SH3KBP1: variants seen among roughly 807,000 people sequenced by gnomAD.
SH3KBP1 encodes the protein SH3 domain containing kinase binding protein 1.
In SH3KBP1, 8 loss-of-function variants were observed where a neutral mutation model predicts 50.1. That is an observed-to-expected ratio of 0.16 (90% CI 0.09 to 0.29). The LOEUF (loss-of-function observed/expected upper bound fraction) is 0.29. SH3KBP1 is among the 10% of genes least tolerant of loss of function. SH3KBP1 has a pLI of 1.00. For missense variants in SH3KBP1, 377 were observed against 535.2 expected (o/e 0.70, Z 2.92); for synonymous variants, 227 against 218.6 (o/e 1.04, Z -0.34).
intron 2 of SH3KBP1, among the ~76,000 whole-genome samples, chrX:19,779,352 T>A (rs1306722663): frequency 9.2e-6 from 1 of 108,464 alleles, no homozygotes. Flanking sequence ...CAAGATGTGC[T>A]AACATCATGT....
chrX:19,606,953 T>C (rs2067260196), intron 9 of SH3KBP1, among the ~76,000 whole-genome samples: 1 of 112,975 alleles, frequency 8.9e-6, no homozygotes, highest in Non-Finnish European at 1.9e-5. Context: ...AAAGTGTGGC[T>C]AACTTAGCCT....
At chrX:19,613,879 C>T (rs1395753702) in intron 8 of SH3KBP1, among the ~76,000 whole-genome samples, 1 of 112,581 alleles carries the variant, frequency 8.9e-6, no homozygotes, top group East Asian at 2.8e-4. Flanking sequence ...CGAAAGCTCC[C>T]TGGATCTCGG....
intron 2 of SH3KBP1, among the ~76,000 whole-genome samples, chrX:19,801,112 G>T (rs905557705): frequency 1.8e-5 from 2 of 111,549 alleles, no homozygotes; most frequent in Non-Finnish European, 3.8e-5. Flanking sequence ...CTTCAGGGTG[G>T]GCAGGGGGAA....
chrX:19,725,039 T>C (rs961352620), intron 3 of SH3KBP1, among the ~76,000 whole-genome samples: 3 of 111,357 alleles, frequency 2.7e-5, no homozygotes, highest in African/African-American at 9.8e-5. Flanking sequence ...AACAACCATC[T>C]CATAAACAAA....
At chrX:19,695,413 T>C (rs2063390335) in intron 5 of SH3KBP1, among the ~76,000 whole-genome samples, 199 bp downstream of exon 5, 1 of 111,432 alleles carries the variant, frequency 9.0e-6, no homozygotes, top group Non-Finnish European at 1.9e-5. Flanking sequence ...TCCAGAGACA[T>C]ACAGAATGTG....
At chrX:19,598,284 G>A (rs1032868097) in intron 9 of SH3KBP1, among the ~76,000 whole-genome samples, 12 of 108,790 alleles carry the variant, frequency 1.1e-4, no homozygotes, top group Middle Eastern at 4.7e-3. Context: ...TAGAGATGGA[G>A]TCTCACTATG....
chrX:19,606,128 A>G (rs1034217144), intron 9 of SH3KBP1, among the ~76,000 whole-genome samples: 12 of 112,202 alleles, frequency 1.1e-4, no homozygotes, highest in Non-Finnish European at 1.9e-5. Flanking sequence ...GCATTTACCA[A>G]CTACTAGGCA....
At chrX:19,708,009 A>G (rs148755163) in intron 3 of SH3KBP1, among the ~76,000 whole-genome samples, 2 of 113,120 alleles carry the variant, frequency 1.8e-5, no homozygotes, top group East Asian at 5.6e-4. Context: ...CAAAGGGATC[A>G]ATGACTTCAA....
chrX:19,660,812 T>A (rs777000654), intron 6 of SH3KBP1, among the ~76,000 whole-genome samples: 8 of 112,270 alleles, frequency 7.1e-5, no homozygotes, highest in Admixed American at 1.9e-4. Context: ...CCCCAAGCCA[T>A]CTTTTACAAA....
intron 4 of SH3KBP1, among the ~76,000 whole-genome samples, chrX:19,705,550 G>C (rs1169494276): frequency 1.8e-5 from 2 of 111,261 alleles, no homozygotes; most frequent in Admixed American, 1.9e-4. Context: ...GGGTAAAAAA[G>C]GATGAATGAC....
chrX:19,810,646 G>A (rs1472159096), intron 2 of SH3KBP1, among the ~76,000 whole-genome samples: 3 of 112,549 alleles, frequency 2.7e-5, no homozygotes, highest in Non-Finnish European at 5.6e-5. Context: ...GAGGGCTAGG[G>A]ACTGTGTTCA....
At chrX:19,822,674 G>A (rs1366901526) in intron 2 of SH3KBP1, among the ~76,000 whole-genome samples, 2 of 111,939 alleles carry the variant, frequency 1.8e-5, no homozygotes, top group Admixed American at 9.5e-5. Context: ...TTTCTCATTC[G>A]AGTTGTGATT....
intron 1 of SH3KBP1, among the ~76,000 whole-genome samples, chrX:19,841,681 C>CTCT (rs2068222646): frequency 1.8e-5 from 2 of 111,034 alleles, no homozygotes; most frequent in African/African-American, 6.6e-5. Flanking sequence ...GAAAGAACAT[C>CTCT]AGATATCATC....
chrX:19,797,768 G>A (rs909528500), intron 2 of SH3KBP1, among the ~76,000 whole-genome samples: 1 of 110,611 alleles, frequency 9.0e-6, no homozygotes, highest in Non-Finnish European at 1.9e-5. Context: ...GGAATTCAAT[G>A]GGGGAAAGGG....
chrX:19,720,111 A>G (rs1314197282), intron 3 of SH3KBP1, among the ~76,000 whole-genome samples: 1 of 110,474 alleles, frequency 9.1e-6, no homozygotes, highest in Non-Finnish European at 1.9e-5. Context: ...AGCTCTGTTA[A>G]TGTTTTTTTC....
intron 13 of SH3KBP1, among the ~76,000 whole-genome samples, chrX:19,555,489 T>G (rs753008057): frequency 8.9e-6 from 1 of 112,370 alleles, no homozygotes; most frequent in East Asian, 2.8e-4. Flanking sequence ...AAAGGCTAAG[T>G]CAGGCTAGCT....
chrX:19,738,232 T>C (rs1040690699), intron 3 of SH3KBP1, among the ~76,000 whole-genome samples: 8 of 111,430 alleles, frequency 7.2e-5, no homozygotes, highest in African/African-American at 2.6e-4. Flanking sequence ...GTGCTGCAGC[T>C]GAAATTTGAC....
intron 2 of SH3KBP1, among the ~76,000 whole-genome samples, chrX:19,792,343 C>A (rs2066556192): frequency 9.0e-6 from 1 of 110,852 alleles, no homozygotes; most frequent in African/African-American, 3.3e-5. Flanking sequence ...GGAAATAGAC[C>A]AAAATATGAA....
chrX:19,847,556 A>G (rs2068396629), intron 1 of SH3KBP1, among the ~76,000 whole-genome samples: 1 of 112,261 alleles, frequency 8.9e-6, no homozygotes, highest in Non-Finnish European at 1.9e-5. Flanking sequence ...TCAAACTGTC[A>G]TAAGTATAAC....
Sources: allele counts gnomAD v4.1 joint callset (sites outside exome capture counted in the v4.1 genomes callset), GRCh38; gene constraint gnomAD v4.1.1; transcripts MANE v1.5; gene names NCBI Gene and HGNC (gene_info 2026-07-23, HGNC 2026-07-21).